SND1: variants seen among roughly 807,000 people sequenced by gnomAD.
The protein encoded by SND1 is staphylococcal nuclease domain-containing protein 1.
In SND1, 38 loss-of-function variants were observed where a neutral mutation model predicts 121.7. That is an observed-to-expected ratio of 0.31 (90% CI 0.24 to 0.41). The LOEUF (loss-of-function observed/expected upper bound fraction) is 0.41, where lower values mean the gene tolerates loss of function less well. Ranked by LOEUF, SND1 falls within the 10% of genes least tolerant of loss-of-function variation. The pLI is 1.00. For synonymous variants in SND1, 401 were observed against 447.4 expected (o/e 0.90, Z 1.31); for missense variants, 868 against 1,184.6 (o/e 0.73, Z 3.92).
At chr7:127,854,538 C>CTATT (rs59447282) in intron 12 of SND1, among the ~76,000 whole-genome samples, 22,864 of 145,264 alleles carry the variant, frequency 0.16, 1,940 homozygotes, top group Admixed American at 0.2. Flanking sequence ...TACTAGCATT[C>CTATT]TATTTATTTA....
intron 10 of SND1, among the ~76,000 whole-genome samples, chr7:127,752,834 C>T (rs1797124245): frequency 6.6e-6 from 1 of 152,180 alleles, no homozygotes; most frequent in African/African-American, 2.4e-5. Context: ...CATTAAAAAA[C>T]ACAAAAACCA....
intron 11 of SND1, among the ~76,000 whole-genome samples, chr7:127,830,391 C>T (rs757622222): frequency 2.6e-5 from 4 of 152,014 alleles, no homozygotes; most frequent in Non-Finnish European, 4.4e-5. Context: ...GCATTTTAGC[C>T]AATTGGTTAA....
chr7:128,085,733 G>C lies in SND1; in HGVS notation c.2257G>C (p.Val753Leu). The change falls in exon 20 of 24, where the codon GTC becomes CTC. Residue 753 changes from valine to leucine, a missense_variant. Physicochemically the swap from Val to Leu is conservative, Grantham distance 32. This residue lies in a region of SND1 where 743 missense variants were observed against 1,071.3 expected (regional missense o/e 0.69). Coordinates refer to ENST00000354725, the MANE Select transcript of SND1 (RefSeq NM_014390.4). This position sits in a 1 kb window ranked among gnomAD's most constrained non-coding sequence, Gnocchi z 4.4. ...GEWYRARVEK[V>L]ESPAKIHVFY... ...CAGGTACCGTGCCCGAGTAGAGAAA[G>C]TCGAGTCTCCTGCCAAAATACATGT... is the stretch of plus-strand genomic sequence containing the variant. 1.2e-6 allele frequency: 2 copies of C among 1,614,142 alleles called. No homozygotes were observed. The highest frequency in any genetic ancestry group is 1.7e-6 in the Non-Finnish European group (2 of 1,180,018).
chr7:127,979,030 G>A (rs749952494), intron 15 of SND1, among the ~76,000 whole-genome samples: 12 of 152,092 alleles, frequency 7.9e-5, no homozygotes, highest in East Asian at 1.9e-4. Flanking sequence ...GCTTCAGAGC[G>A]TGTTGGCGAG....
intron 14 of SND1, among the ~76,000 whole-genome samples, chr7:127,908,996 G>A (rs1800401947): frequency 6.6e-6 from 1 of 152,128 alleles, no homozygotes; most frequent in African/African-American, 2.4e-5. Context: ...CCCTGCGAGT[G>A]CTGATTTTAC....
At chr7:127,847,177 C>T (rs1298682714) in intron 12 of SND1, among the ~76,000 whole-genome samples, 2 of 152,072 alleles carry the variant, frequency 1.3e-5, no homozygotes, top group African/African-American at 4.8e-5. Flanking sequence ...GAGGCTGAGG[C>T]ATGAGAATTG....
intron 12 of SND1, among the ~76,000 whole-genome samples, chr7:127,865,250 C>T (rs1455571915): frequency 6.6e-6 from 1 of 152,104 alleles, no homozygotes; most frequent in Non-Finnish European, 1.5e-5. Flanking sequence ...TGGCCATGGC[C>T]CTTACTAAGT....
At chr7:128,030,767 A>T in intron 16 of SND1, 1 of 1,238,384 alleles carries the variant, frequency 8.1e-7, no homozygotes, top group Non-Finnish European at 1.1e-6. Flanking sequence ...GGAGGGGGCG[A>T]TTAGAGAGAC....
chr7:128,072,532 T>G (rs1272296914), intron 16 of SND1, among the ~76,000 whole-genome samples: 2 of 152,156 alleles, frequency 1.3e-5, no homozygotes, highest in Non-Finnish European at 2.9e-5. Flanking sequence ...TCCTTCAGCT[T>G]CCCCAGAATT....
intron 11 of SND1, among the ~76,000 whole-genome samples, chr7:127,831,895 C>T (rs1490636699): frequency 2.2e-5 from 3 of 138,702 alleles, no homozygotes; most frequent in African/African-American, 7.3e-5. Flanking sequence ...ATTGGAAGTA[C>T]CTTATAATTG....
At chr7:127,749,074 T>C in intron 10 of SND1, among the ~76,000 whole-genome samples, 1 of 140,318 alleles carries the variant, frequency 7.1e-6, no homozygotes, top group South Asian at 2.4e-4. Flanking sequence ...AGACAGGGTC[T>C]CACTCTGTCA....
chr7:127,987,367 C>T (rs1453481657), intron 15 of SND1, among the ~76,000 whole-genome samples: 1 of 152,218 alleles, frequency 6.6e-6, no homozygotes, highest in African/African-American at 2.4e-5. Flanking sequence ...AGGAAAGGTG[C>T]AGCATGGATT....
rs879397399 is a variant in SND1 at position 127,964,482 on chromosome 7, A to G, written c.1670-26465A>G. ...TCAGCTTTCTACATATGGCTAGCCAATTTTCCCAGCACCATTTATTAAATA... is the reference window on the plus strand; with the variant it reads ...TCAGCTTTCTACATATGGCTAGCCAGTTTTCCCAGCACCATTTATTAAATA... On this transcript the variant is annotated intron_variant, in intron 15 of 23. Transcript: ENST00000354725. Among the ~76,000 whole-genome samples the G allele has an allele frequency of 3.9e-3, 586 of 150,556 alleles. 5 individuals carry two copies. Among genetic ancestry groups the G allele is most frequent in the Non-Finnish European group, 6.4e-3 (429 of 67,470 alleles).
rs1463346702 is a variant in SND1, at chr7:127,848,256, A to T, written c.1343+3832A>T. ...TGTGCTTAACACATGCGAATGTTTT[A>T]GTAAATACACACTCTTTGTGTGCTT... On this transcript the variant is annotated intron_variant, in intron 12 of 23. Coordinates refer to ENST00000354725, the MANE Select transcript of SND1 (RefSeq NM_014390.4). 3.9e-5 allele frequency among the ~76,000 whole-genome samples: 6 copies of T among 152,264 alleles called. No homozygotes were observed. The South Asian group carries it at 1.2e-3, about 31-fold the overall frequency.
At chr7:127,803,266 T>A (rs1363984279) in intron 10 of SND1, among the ~76,000 whole-genome samples, 1 of 152,194 alleles carries the variant, frequency 6.6e-6, no homozygotes, top group Non-Finnish European at 1.5e-5. Flanking sequence ...CAGTGCGGCC[T>A]GCCCTGATAT....
Position 127,685,677 on chromosome 7 carries a change from A to C in SND1, c.79-936A>C, listed in dbSNP as rs1038844869. Among the ~76,000 whole-genome samples, 7 of 152,166 alleles carry C rather than the reference A, an allele frequency of 4.6e-5. 1 individual carries two copies. Among genetic ancestry groups the C allele is most frequent in the Admixed American group, 2.0e-4 (3 of 15,282 alleles). On this transcript the variant is annotated intron_variant, in intron 1 of 23. Transcript: ENST00000354725. ...TTCTATGCCTGGCATCTTTGATTAG[A>C]GAGATGAAAGGAGCCACTGACTGCA...
At chr7:128,018,706 T>C (rs1029566443) in intron 16 of SND1, among the ~76,000 whole-genome samples, 1 of 152,144 alleles carries the variant, frequency 6.6e-6, no homozygotes, top group Non-Finnish European at 1.5e-5. Flanking sequence ...TCCGTCTCTA[T>C]CACAGGCAAG....
At chr7:127,818,510 C>T (rs1328602976) in intron 11 of SND1, among the ~76,000 whole-genome samples, 1 of 152,178 alleles carries the variant, frequency 6.6e-6, no homozygotes, top group Non-Finnish European at 1.5e-5. Flanking sequence ...TGACTGAACC[C>T]TGCTGTTCCC....
chr7:127,802,637 C>G, intron 10 of SND1, among the ~76,000 whole-genome samples: 1 of 152,140 alleles, frequency 6.6e-6, no homozygotes, highest in South Asian at 2.1e-4. Context: ...TTAGAAGATA[C>G]TACCTATATG....
Sources: allele counts gnomAD v4.1 joint callset (sites outside exome capture counted in the v4.1 genomes callset), GRCh38; gene constraint gnomAD v4.1.1; regional missense constraint gnomAD v4.1.1; non-coding constraint Gnocchi (gnomAD v3.1); transcripts MANE v1.5; gene names NCBI Gene and HGNC (gene_info 2026-07-23, HGNC 2026-07-21).